Variants in CDH4 observed in about 807,000 individuals in gnomAD.
CDH4 encodes the protein cadherin 4, also known as cadherin-4.
A neutral mutation model predicts 86.0 loss-of-function variants in CDH4; 33 were observed. The observed-to-expected ratio is 0.38, with a 90% CI of 0.29 to 0.51. CDH4 has a LOEUF of 0.51. CDH4 is among the 20% of genes least tolerant of loss of function. CDH4 has a pLI of 0.86. For missense variants in CDH4, 1,114 were observed against 1,307.4 expected, an observed-to-expected ratio of 0.85 and a Z score of 2.28; for synonymous variants, 555 against 549.4, an observed-to-expected ratio of 1.01 and a Z score of -0.14.
intron 2 of CDH4, among the ~76,000 whole-genome samples, chr20:61,548,281 C>G (rs763661803): frequency 3.3e-5 from 5 of 152,086 alleles, no homozygotes; most frequent in Non-Finnish European, 7.4e-5. Flanking sequence ...CAGAACTGGG[C>G]CAGAGGGGAG....
At chr20:61,780,174 C>T (rs1978462361) in intron 4 of CDH4, among the ~76,000 whole-genome samples, 1 of 152,182 alleles carries the variant, frequency 6.6e-6, no homozygotes, top group African/African-American at 2.4e-5. Flanking sequence ...TCCAGTTGTG[C>T]TGGTGGCTCG....
intron 2 of CDH4, among the ~76,000 whole-genome samples, chr20:61,355,725 C>T (rs1159575521): frequency 6.6e-6 from 1 of 152,212 alleles, no homozygotes; most frequent in Non-Finnish European, 1.5e-5. Flanking sequence ...GTGCACTGTG[C>T]ACCTGTCTGC....
chr20:61,838,460 A>G (rs1981978067), intron 4 of CDH4, among the ~76,000 whole-genome samples: 2 of 152,184 alleles, frequency 1.3e-5, no homozygotes, highest in South Asian at 4.2e-4. Flanking sequence ...TGCAGGTGCA[A>G]ATGGGCAAGT....
intron 4 of CDH4, among the ~76,000 whole-genome samples, chr20:61,801,896 G>A (rs928154906): frequency 3.3e-5 from 5 of 152,228 alleles, no homozygotes; most frequent in Non-Finnish European, 5.9e-5. Context: ...ACTCCATCAC[G>A]TCTGCAAACT....
chr20:61,725,321 T>C (rs947806609), intron 2 of CDH4, among the ~76,000 whole-genome samples: 3 of 152,122 alleles, frequency 2.0e-5, no homozygotes, highest in Non-Finnish European at 2.9e-5. Context: ...CAGTGCACAC[T>C]GCACAGTACA....
intron 3 of CDH4, among the ~76,000 whole-genome samples, chr20:61,768,982 A>C (rs1465022688): frequency 6.6e-6 from 1 of 152,166 alleles, no homozygotes; most frequent in Non-Finnish European, 1.5e-5. Flanking sequence ...GCTGGTTCTG[A>C]AGCACCACCA....
intron 2 of CDH4, among the ~76,000 whole-genome samples, chr20:61,605,886 GAAAAA>G (rs529210946): frequency 7.9e-6 from 1 of 125,996 alleles, no homozygotes; most frequent in Non-Finnish European, 1.7e-5. Flanking sequence ...GGCTGTGGAG[GAAAAA>G]AAAAAAAAAA....
At chr20:61,461,604 G>A (rs1386021646) in intron 2 of CDH4, among the ~76,000 whole-genome samples, 2 of 152,124 alleles carry the variant, frequency 1.3e-5, no homozygotes, top group Admixed American at 1.3e-4. Context: ...ACGTGGGAGT[G>A]GGAGGGGAGG....
intron 11 of CDH4, among the ~76,000 whole-genome samples, chr20:61,926,055 G>A (rs4925314): frequency 0.5 from 75,391 of 152,120 alleles, 19,799 homozygotes; most frequent in East Asian, 0.84. Context: ...AACAGAAAAT[G>A]GATATTGGGG....
At chr20:61,531,441 C>T (rs1424480889) in intron 2 of CDH4, among the ~76,000 whole-genome samples, 4 of 142,718 alleles carry the variant, frequency 2.8e-5, no homozygotes, top group South Asian at 2.2e-4. Flanking sequence ...CCATTGCACT[C>T]CAGCCTGGGC....
chr20:61,931,699 G>C (rs1392383720), intron 13 of CDH4, among the ~76,000 whole-genome samples: 1 of 152,156 alleles, frequency 6.6e-6, no homozygotes, highest in Non-Finnish European at 1.5e-5. Context: ...TTTGCAGATG[G>C]GTGCGCCAGG....
At chr20:61,923,729 C>CA (rs767895223) in intron 10 of CDH4, 25 bp downstream of exon 10, 14 of 1,607,406 alleles carry the variant, frequency 8.7e-6, no homozygotes. Flanking sequence ...CATGCCTCGT[C>CA]CCTGCCTGCA....
At chr20:61,777,679 T>C (rs56086520) in intron 4 of CDH4, among the ~76,000 whole-genome samples, 29,241 of 77,698 alleles carry the variant, frequency 0.38, 3,659 homozygotes, top group East Asian at 0.5. Context: ...CACACACCCA[T>C]ACGCGCACAC....
chr20:61,465,512 C>T (rs2085467135), intron 2 of CDH4, among the ~76,000 whole-genome samples: 1 of 152,076 alleles, frequency 6.6e-6, no homozygotes. Flanking sequence ...TGAGGCTCTG[C>T]AGGAGGGACA....
At chr20:61,768,743 A>G (rs2088733247) in intron 3 of CDH4, among the ~76,000 whole-genome samples, 1 of 152,214 alleles carries the variant, frequency 6.6e-6, no homozygotes, top group South Asian at 2.1e-4. Context: ...TTCCAGGCAG[A>G]AGCCCGCACA....
intron 2 of CDH4, among the ~76,000 whole-genome samples, chr20:61,367,780 C>T (rs1330147774): frequency 4.6e-5 from 7 of 151,764 alleles, no homozygotes; most frequent in South Asian, 2.1e-4. Flanking sequence ...CAGAAGCCTC[C>T]GTAGATGCTG....
chr20:61,420,971 A>G (rs1430369635), intron 2 of CDH4, among the ~76,000 whole-genome samples: 1 of 152,242 alleles, frequency 6.6e-6, no homozygotes, highest in Non-Finnish European at 1.5e-5. Flanking sequence ...GGCATGTTCC[A>G]TGGGGGATGA....
chr20:61,704,085 G>A (rs888096390), intron 2 of CDH4, among the ~76,000 whole-genome samples: 1 of 152,002 alleles, frequency 6.6e-6, no homozygotes, highest in East Asian at 1.9e-4. Context: ...AGAATTCCCC[G>A]TCTTGGGGTC....
At chr20:61,499,017 G>A (rs571902390) in intron 2 of CDH4, among the ~76,000 whole-genome samples, 35 of 152,292 alleles carry the variant, frequency 2.3e-4, no homozygotes, top group African/African-American at 7.2e-4. Context: ...AGATGGGGGC[G>A]TATTGTGACT....
Sources: allele counts gnomAD v4.1 joint callset (sites outside exome capture counted in the v4.1 genomes callset), GRCh38; gene constraint gnomAD v4.1.1; transcripts MANE v1.5; gene names NCBI Gene and HGNC (gene_info 2026-07-23, HGNC 2026-07-21).